Variants in MYO9A observed in about 807,000 individuals in gnomAD.
MYO9A encodes the protein unconventional myosin-IXa.
A neutral mutation model predicts 293.3 loss-of-function variants in MYO9A; 103 were observed. The observed-to-expected ratio is 0.35, with a 90% CI of 0.30 to 0.41. The LOEUF (loss-of-function observed/expected upper bound fraction) is 0.41. Ranked by LOEUF, MYO9A falls within the 10% of genes least tolerant of loss-of-function variation. MYO9A has a pLI of 1.00. For synonymous variants in MYO9A, 1,001 were observed against 1,035.7 expected (o/e 0.97, Z 0.64); for missense variants, 2,685 against 3,033.0 (o/e 0.89, Z 2.69).
At chr15:71,932,047 C>T (rs971417547) in intron 18 of MYO9A, among the ~76,000 whole-genome samples, 2 of 152,058 alleles carry the variant, frequency 1.3e-5, no homozygotes, top group Admixed American at 6.6e-5. Flanking sequence ...TTGTTGTCTC[C>T]AGGAAATTAG....
rs190579693 is a variant in MYO9A at position 71,889,035 on chromosome 15, A to C, written c.5143-919T>G. 5.6e-3 allele frequency among the ~76,000 whole-genome samples: 857 copies of C among 152,308 alleles called. 12 individuals are homozygous for C. Among genetic ancestry groups the C allele is most frequent in the African/African-American group, 0.02 (811 of 41,570 alleles). On this transcript the variant is annotated intron_variant, in intron 26 of 41. Transcript: ENST00000356056. ...CACTTGTTTCTAGGCTGTGATGCAGAGAGGAGGAACCCAGGTGAAACTTGA... is the reference window on the plus strand; with the variant it reads ...CACTTGTTTCTAGGCTGTGATGCAGCGAGGAGGAACCCAGGTGAAACTTGA...
In MYO9A at chr15:72,095,778, G is replaced by A. The variant is rs1432809020; in HGVS notation, c.-72+21902C>T. Among the ~76,000 whole-genome samples, 4 of 47,790 alleles carry A rather than the reference G, an allele frequency of 8.4e-5. 2 individuals are homozygous for A. In the Admixed American group the frequency reaches 1.3e-3, roughly 15 times the overall value. The allele number at this position is 47,790 out of a possible 152,430, so 31.4% of individuals were successfully genotyped here. A position where few individuals can be genotyped will look rare whatever the true frequency, so the allele number is the denominator to read the frequency against. ...CCATTCTGAAAATCCTAGGGCTCTT[G>A]AGAATTAACGCTAAATCAAGGCCAG... On this transcript the variant is annotated intron_variant, in intron 1 of 41. Coordinates refer to ENST00000356056, the MANE Select transcript of MYO9A (RefSeq NM_006901.4).
At chr15:72,053,427 T>C (rs756768934) in intron 1 of MYO9A, among the ~76,000 whole-genome samples, 1 of 152,168 alleles carries the variant, frequency 6.6e-6, no homozygotes, top group Non-Finnish European at 1.5e-5. Context: ...AAAAGGTTTT[T>C]TAAGTGTAAC....
At chr15:72,007,978 G>C (rs750692024) in intron 7 of MYO9A, 26 bp from the exon 8 acceptor site, 39 of 1,596,554 alleles carry the variant, frequency 2.4e-5, no homozygotes, top group East Asian at 2.2e-4. Context: ...ACAAATTATA[G>C]CTTAGTTGTG....
intron 31 of MYO9A, among the ~76,000 whole-genome samples, chr15:71,877,483 A>G (rs966386245): frequency 6.6e-6 from 1 of 151,930 alleles, no homozygotes; most frequent in Non-Finnish European, 1.5e-5. Context: ...TTTAAGACGG[A>G]GTCGCACTTT....
intron 22 of MYO9A, among the ~76,000 whole-genome samples, 159 bp downstream of exon 22, chr15:71,902,782 T>C (rs1318440474): frequency 2.0e-5 from 3 of 152,194 alleles, no homozygotes; most frequent in African/African-American, 7.2e-5. Context: ...AGCTCTGTGA[T>C]TAATATTGAC....
At chr15:71,878,891 G>C (rs1477004802) in intron 30 of MYO9A, among the ~76,000 whole-genome samples, 1 of 151,642 alleles carries the variant, frequency 6.6e-6, no homozygotes, top group Non-Finnish European at 1.5e-5. Context: ...CCAGTAGCTG[G>C]GATTACAAGC....
intron 17 of MYO9A, 70 bp downstream of exon 17, chr15:71,935,271 C>A: frequency 7.0e-7 from 1 of 1,428,482 alleles, no homozygotes; most frequent in Non-Finnish European, 9.4e-7. Flanking sequence ...TCATTTTTTT[C>A]TGCCAGAAAT....
chr15:72,058,215 C>A (rs1158852709), intron 1 of MYO9A, among the ~76,000 whole-genome samples: 5 of 152,048 alleles, frequency 3.3e-5, no homozygotes, highest in Admixed American at 3.3e-4. Context: ...GTCAACCATG[C>A]AGAAATATGG....
At chr15:71,986,706 G>C (rs912981216) in intron 11 of MYO9A, among the ~76,000 whole-genome samples, 2 of 152,096 alleles carry the variant, frequency 1.3e-5, no homozygotes, top group East Asian at 3.9e-4. Flanking sequence ...ATTATATAAA[G>C]AGAAAACATT....
At chr15:72,013,900 G>A (rs1351750661) in intron 6 of MYO9A, among the ~76,000 whole-genome samples, 3 of 152,124 alleles carry the variant, frequency 2.0e-5, no homozygotes, top group African/African-American at 7.2e-5. Context: ...TCCGCCTCCT[G>A]GGCTCAAGTG....
chr15:72,009,267 C>T (rs1013100494), intron 7 of MYO9A, among the ~76,000 whole-genome samples: 5 of 152,260 alleles, frequency 3.3e-5, no homozygotes, highest in African/African-American at 1.2e-4. Flanking sequence ...TGCCAACTTA[C>T]ATATTGTATT....
chr15:72,030,292 T>C (rs2077821493), intron 3 of MYO9A, among the ~76,000 whole-genome samples: 1 of 152,150 alleles, frequency 6.6e-6, no homozygotes, highest in African/African-American at 2.4e-5. Context: ...TTTACAAGTA[T>C]AGAAACTGAT....
intron 39 of MYO9A, among the ~76,000 whole-genome samples, chr15:71,844,887 G>A (rs1023018464): frequency 6.6e-6 from 1 of 152,162 alleles, no homozygotes; most frequent in African/African-American, 2.4e-5. Flanking sequence ...AGAAAGTCAT[G>A]ATACTTTATG....
At position 72,041,439 on chromosome 15, in the gene MYO9A, T is replaced by C; in HGVS notation, c.840+4285A>G. The C allele has an allele frequency of 9.1e-6, 3 of 331,182 alleles. 1 individual carries two copies. Among genetic ancestry groups the C allele is most frequent in the South Asian group, 7.6e-5 (3 of 39,296 alleles). 20.5% of individuals were successfully genotyped at this position (331,182 alleles called of 1,614,324 possible). A position where few individuals can be genotyped will look rare whatever the true frequency, so the allele number is the denominator to read the frequency against. On this transcript the variant is annotated intron_variant, in intron 2 of 41. Coordinates refer to ENST00000356056, the MANE Select transcript of MYO9A (RefSeq NM_006901.4). The stretch of plus-strand genomic sequence containing the variant: ...CACGTTGTGAACAGAAGGACAAATA[T>C]CTTCTTCTTCTTTTTTTCCCATGAA...
chr15:72,057,508 AT>A (rs1475790406), intron 1 of MYO9A, among the ~76,000 whole-genome samples: 4 of 152,176 alleles, frequency 2.6e-5, no homozygotes, highest in Non-Finnish European at 5.9e-5. Flanking sequence ...CATAGTTTGA[AT>A]GAACTGACCT....
At chr15:72,016,994 G>A (rs1274894443) in intron 6 of MYO9A, among the ~76,000 whole-genome samples, 3 of 135,472 alleles carry the variant, frequency 2.2e-5, no homozygotes, top group Non-Finnish European at 4.8e-5. Context: ...AGGTCATTCT[G>A]CTTCAGAGCC....
In MYO9A at chr15:71,862,488, T is replaced by C; in HGVS notation, c.6091+12A>G. The C allele has an allele frequency of 1.3e-6, 2 of 1,551,876 alleles. No homozygotes were observed. The highest frequency in any genetic ancestry group is 1.8e-6 in the Non-Finnish European group (2 of 1,124,066). The stretch of plus-strand genomic sequence containing the variant: ...TGGTTAAAAATATTCCTCAAAGATC[T>C]CTCATACTTACATTTGCAAACAGAG... On this transcript the variant is annotated intron_variant, in intron 33 of 41. Coordinates refer to ENST00000356056, the MANE Select transcript of MYO9A (RefSeq NM_006901.4).
rs2077717080 is a variant in MYO9A at position 72,027,762 on chromosome 15, A to T, written c.967T>A (p.Ser323Thr). Residue 323 changes from serine to threonine, a missense_variant, in exon 4 of 42, where the codon TCC becomes ACC. By Grantham distance (58) the Ser-to-Thr change is moderately conservative. Around this residue, in one of 10 missense-constraint regions of MYO9A, gnomAD observed 289 missense variants for 456.8 expected, o/e 0.63. Transcript: ENST00000356056. ...AYVEKYLLEK[S>T]RLVYQEHNER... is the part of the protein sequence containing the mutation. ...TTATGCTCCTGATAAACGAGTCTGG[A>T]CTTCTCCAGTAGATATTTTTCAACA... 6.2e-7 allele frequency: 1 copy of T among 1,609,130 alleles called. No individual in the cohort carries two copies. Among genetic ancestry groups the T allele is most frequent in the African/African-American group, 1.3e-5 (1 of 74,644 alleles).
Sources: allele counts gnomAD v4.1 joint callset (sites outside exome capture counted in the v4.1 genomes callset), GRCh38; gene constraint gnomAD v4.1.1; regional missense constraint gnomAD v4.1.1; transcripts MANE v1.5; gene names NCBI Gene and HGNC (gene_info 2026-07-23, HGNC 2026-07-21).